TMEFF1: variants seen among roughly 807,000 people sequenced by gnomAD.
TMEFF1 encodes tomoregulin-1.
A neutral mutation model predicts 47.5 loss-of-function variants in TMEFF1; 20 were observed. The observed-to-expected ratio is 0.42, with a 90% CI of 0.30 to 0.61. TMEFF1 has a LOEUF of 0.61. Ranked by LOEUF, TMEFF1 falls within the 20% of genes least tolerant of loss-of-function variation. The probability of loss-of-function intolerance (pLI) is 0.19; values close to 1 mark genes in which losing one functional copy is unlikely to be tolerated. For missense variants in TMEFF1, 411 were observed against 471.1 expected (o/e 0.87, Z 1.18); for synonymous variants, 162 against 166.3 (o/e 0.97, Z 0.20).
intron 5 of TMEFF1, among the ~76,000 whole-genome samples, chr9:100,534,751 A>G (rs1229003148): frequency 2.6e-5 from 4 of 152,190 alleles, no homozygotes; most frequent in Non-Finnish European, 5.9e-5. Flanking sequence ...ACATTTGATC[A>G]AGGCATTTCC....
chr9:100,552,913 A>G (rs939062010), intron 7 of TMEFF1, among the ~76,000 whole-genome samples: 3 of 152,142 alleles, frequency 2.0e-5, no homozygotes, highest in Admixed American at 1.3e-4. Context: ...CAATAGCCAG[A>G]TATGACCAGT....
At chr9:100,538,822 C>T (rs912556519) in intron 5 of TMEFF1, among the ~76,000 whole-genome samples, 2 of 152,096 alleles carry the variant, frequency 1.3e-5, no homozygotes, top group Admixed American at 6.6e-5. Flanking sequence ...TTACTTTCGA[C>T]GTTTGGATTA....
intron 5 of TMEFF1, among the ~76,000 whole-genome samples, chr9:100,543,685 A>G (rs1707200613): frequency 6.8e-6 from 1 of 146,948 alleles, no homozygotes; most frequent in African/African-American, 2.6e-5. Flanking sequence ...AACTAACACT[A>G]ACATAGCTGA....
intron 9 of TMEFF1, among the ~76,000 whole-genome samples, chr9:100,576,280 G>A (rs1394627720): frequency 6.6e-6 from 1 of 152,154 alleles, no homozygotes; most frequent in Non-Finnish European, 1.5e-5. Flanking sequence ...GCTTGTGCCA[G>A]TACCTATATT....
At chr9:100,493,503 T>C (rs1837594904) in intron 1 of TMEFF1, among the ~76,000 whole-genome samples, 1 of 152,174 alleles carries the variant, frequency 6.6e-6, no homozygotes, top group Non-Finnish European at 1.5e-5. Context: ...TTTCTCCCAC[T>C]AGTGTGTATT....
chr9:100,487,425 C>T (rs1476207720), intron 1 of TMEFF1, among the ~76,000 whole-genome samples: 2 of 152,170 alleles, frequency 1.3e-5, no homozygotes, highest in African/African-American at 2.4e-5. Context: ...GCCTTGGTTT[C>T]CCAAAGTGCT....
intron 3 of TMEFF1, 73 bp from the exon 4 acceptor site, chr9:100,513,234 G>T: frequency 6.4e-7 from 1 of 1,566,648 alleles, no homozygotes; most frequent in Non-Finnish European, 8.6e-7. Flanking sequence ...ATTTTTGATA[G>T]GAAATTTTAT....
At chr9:100,511,992 GA>G (rs1564014296) in intron 3 of TMEFF1, among the ~76,000 whole-genome samples, 1 of 151,938 alleles carries the variant, frequency 6.6e-6, no homozygotes, top group South Asian at 2.1e-4. Flanking sequence ...GACATGGTTT[GA>G]AAAAAAGATT....
intron 2 of TMEFF1, among the ~76,000 whole-genome samples, chr9:100,500,850 A>G (rs1587823118): frequency 1.3e-5 from 2 of 152,138 alleles, no homozygotes; most frequent in Admixed American, 1.3e-4. Flanking sequence ...GATTATTGTT[A>G]TTTTTGAAAC....
At chr9:100,516,100 T>C (rs1838067333) in intron 4 of TMEFF1, among the ~76,000 whole-genome samples, 1 of 152,190 alleles carries the variant, frequency 6.6e-6, no homozygotes, top group Non-Finnish European at 1.5e-5. Context: ...TTGGCTGTGC[T>C]AAGTGACCAA....
chr9:100,551,565 G>A (rs564215603), intron 7 of TMEFF1, among the ~76,000 whole-genome samples: 5 of 152,192 alleles, frequency 3.3e-5, no homozygotes, highest in African/African-American at 1.2e-4. Flanking sequence ...TTGGGGAATT[G>A]TGTGTTCTAA....
intron 9 of TMEFF1, among the ~76,000 whole-genome samples, chr9:100,574,034 G>A (rs1839302562): frequency 6.6e-6 from 1 of 152,220 alleles, no homozygotes; most frequent in African/African-American, 2.4e-5. Context: ...CTAGTAAGTG[G>A]AATTGTCTGG....
At chr9:100,496,200 G>A (rs1383866538) in intron 1 of TMEFF1, among the ~76,000 whole-genome samples, 2 of 152,182 alleles carry the variant, frequency 1.3e-5, no homozygotes, top group Non-Finnish European at 2.9e-5. Flanking sequence ...CTTTAGAAGG[G>A]ACTGTGCTCA....
intron 1 of TMEFF1, among the ~76,000 whole-genome samples, chr9:100,486,997 T>C (rs560421922): frequency 2.0e-5 from 3 of 152,332 alleles, no homozygotes; most frequent in Admixed American, 6.5e-5. Flanking sequence ...CACGTGAAAC[T>C]AAACTGCTGA....
At chr9:100,483,500 A>AAAC (rs1837382078) in intron 1 of TMEFF1, among the ~76,000 whole-genome samples, 2 of 150,492 alleles carry the variant, frequency 1.3e-5, no homozygotes, top group East Asian at 2.0e-4. Context: ...AACATCTCAA[A>AAAC]AAACAAACAA....
chr9:100,515,793 G>A (rs1046312454), intron 4 of TMEFF1, among the ~76,000 whole-genome samples: 14 of 147,034 alleles, frequency 9.5e-5, no homozygotes, highest in Non-Finnish European at 2.0e-4. Context: ...CTGAGACTCC[G>A]TCTGAAAAAC....
intron 5 of TMEFF1, among the ~76,000 whole-genome samples, chr9:100,529,278 T>C (rs970533967): frequency 5.1e-3 from 648 of 127,160 alleles, no homozygotes; most frequent in African/African-American, 9.7e-3. Context: ...AATGCTCCAA[T>C]TAAAAGACAC....
At chr9:100,563,009 G>A (rs537486073) in intron 8 of TMEFF1, among the ~76,000 whole-genome samples, 34 of 152,226 alleles carry the variant, frequency 2.2e-4, no homozygotes, top group Non-Finnish European at 4.3e-4. Context: ...GTAGAGATGG[G>A]GTTTCACTAT....
intron 9 of TMEFF1, 63 bp downstream of exon 9, chr9:100,572,739 T>C (rs1368463287): frequency 6.6e-7 from 1 of 1,515,052 alleles, no homozygotes; most frequent in East Asian, 2.4e-5. Flanking sequence ...TATTTATAGA[T>C]GCTTTGAGGC....
Sources: allele counts gnomAD v4.1 joint callset (sites outside exome capture counted in the v4.1 genomes callset), GRCh38; gene constraint gnomAD v4.1.1; transcripts MANE v1.5; gene names NCBI Gene and HGNC (gene_info 2026-07-23, HGNC 2026-07-21).